The following RCBTB2 variants were observed in gnomAD, a reference collection of about 807,000 sequenced individuals.
The protein encoded by RCBTB2 is RCC1 and BTB domain-containing protein 2.
In RCBTB2, 55 loss-of-function variants were observed where a neutral mutation model predicts 65.4. The ratio of observed to expected loss-of-function variants is 0.84; its 90% CI spans 0.68 to 1.05. The LOEUF (loss-of-function observed/expected upper bound fraction) is 1.05, where lower values mean the gene tolerates loss of function less well. Among genes scored for constraint, RCBTB2 ranks in the 50% least tolerant of loss-of-function variants. RCBTB2 has a pLI of 0.00. For synonymous variants in RCBTB2, 220 were observed against 255.2 expected (o/e 0.86, Z 1.31); for missense variants, 599 against 680.1 (o/e 0.88, Z 1.33).
chr13:48,498,862 T>A (rs1950094291), intron 13 of RCBTB2, among the ~76,000 whole-genome samples: 1 of 152,080 alleles, frequency 6.6e-6, no homozygotes, highest in African/African-American at 2.4e-5. Flanking sequence ...CCAGGCCAAG[T>A]ACCTCAGTGC....
At chr13:48,511,921 C>T (rs201107003) in intron 8 of RCBTB2, 44 bp from the exon 9 acceptor site, 6 of 1,610,452 alleles carry the variant, frequency 3.7e-6, no homozygotes, top group Non-Finnish European at 5.1e-6. Flanking sequence ...AGACAAATGG[C>T]CAGCAAGCTG....
rs757366474 is a variant in RCBTB2, at chr13:48,515,687, T to A, written c.97A>T (p.Ile33Phe). The A allele has an allele frequency of 1.9e-6, 3 of 1,613,982 alleles. No individual in the cohort carries two copies. The highest frequency in any genetic ancestry group is 2.5e-6 in the Non-Finnish European group (3 of 1,180,014). ...TCTTCTTCAGAACAAAGGGAAAAAA[T>A]TGGCCACTTTCCCACATCTAACATC... The part of the protein sequence containing the change: ...LKMLDVGKWP[I>F]FSLCSEEELQ... Residue 33 changes from isoleucine to phenylalanine, a missense_variant, in exon 5 of 15, where the codon ATT becomes TTT. Ile to Phe is a conservative substitution (Grantham distance 21, BLOSUM62 0). Coordinates refer to ENST00000344532, the MANE Select transcript of RCBTB2 (RefSeq NM_001268.4).
chr13:48,534,265 G>T (rs1489215073), upstream of RCBTB2, among the ~76,000 whole-genome samples: 2 of 152,208 alleles, frequency 1.3e-5, no homozygotes, highest in Non-Finnish European at 2.9e-5. Flanking sequence ...ATCAATGAAA[G>T]AAATTTATGA....
In RCBTB2 at chr13:48,512,839, T is replaced by A; in HGVS notation, c.406A>T (p.Thr136Ser). The A allele has an allele frequency of 6.2e-7, 1 of 1,614,052 alleles. No homozygotes were observed. The highest frequency in any genetic ancestry group is 1.1e-5 in the South Asian group (1 of 91,074). ...NAYSQLGNGT[T>S]NHGLVPCHIS... ...TGACAGGGCACTAAACCATGATTAG[T>A]TGTCCCATTGCCCAGCTGGCTATAA... Residue 136 changes from threonine to serine, a missense_variant, in exon 7 of 15, where the codon ACT (threonine) becomes TCT (serine). Transcript: ENST00000344532.
At chr13:48,502,995 G>T in intron 10 of RCBTB2, 81 bp from the exon 11 acceptor site, 1 of 1,357,198 alleles carries the variant, frequency 7.4e-7, no homozygotes, top group Non-Finnish European at 9.8e-7. Context: ...AGGTTTAACT[G>T]ATGTGGGACA....
At chr13:48,495,140 C>A (rs1258284152) in intron 14 of RCBTB2, among the ~76,000 whole-genome samples, 3 of 152,096 alleles carry the variant, frequency 2.0e-5, no homozygotes, top group Non-Finnish European at 4.4e-5. Context: ...CAAAAGGAAA[C>A]TGACTCGAAG....
rs559291545 is a variant in RCBTB2, at chr13:48,512,251, G to A, written c.517-77C>T. ...CAACTGGACACTGACATGTACTTGT[G>A]GCACCGAGTCTTTCCTCTCAAAGTG... On this transcript the variant is annotated intron_variant, in intron 7 of 14. Transcript: ENST00000344532. The A allele has an allele frequency of 1.1e-3, 1,438 of 1,297,312 alleles. 1 individual carries two copies. The highest frequency in any genetic ancestry group is 1.2e-3 in the Non-Finnish European group (1,103 of 923,256). The allele number at this position is 1,297,312 out of a possible 1,614,324, so 80.4% of individuals were successfully genotyped here.
At chr13:48,496,107 ACTTT>A (rs1949955033) in intron 14 of RCBTB2, 80 bp downstream of exon 14, 2 of 1,267,268 alleles carry the variant, frequency 1.6e-6, no homozygotes, top group African/African-American at 1.5e-5. Context: ...CTCTACCCAG[ACTTT>A]CTTTTAGTTT....
intron 1 of RCBTB2, chr13:48,532,721 G>T (rs996380891): frequency 3.4e-6 from 1 of 295,516 alleles, no homozygotes; most frequent in South Asian, 2.5e-5. Context: ...ATGTAGTCGC[G>T]AGCAGCGCAC....
chr13:48,502,251 G>T (rs943569775), intron 11 of RCBTB2, among the ~76,000 whole-genome samples: 2 of 152,194 alleles, frequency 1.3e-5, no homozygotes, highest in Non-Finnish European at 2.9e-5. Context: ...CACTTTGGCA[G>T]GGGCAGAGAC....
At chr13:48,499,140 A>ACTCTCT (rs1488055194) in intron 13 of RCBTB2, among the ~76,000 whole-genome samples, 4 of 142,486 alleles carry the variant, frequency 2.8e-5, no homozygotes, top group Middle Eastern at 3.7e-3. Flanking sequence ...ACACACACAC[A>ACTCTCT]CACTCTCTCT....
At chr13:48,508,410 A>G (rs1297531186) in intron 10 of RCBTB2, among the ~76,000 whole-genome samples, 5 of 148,736 alleles carry the variant, frequency 3.4e-5, no homozygotes, top group African/African-American at 1.0e-4. Flanking sequence ...ACATTCATCC[A>G]TGTTTTTTTT....
At chr13:48,493,315 A>ACACACACACACTCTCT (rs759504798) in intron 14 of RCBTB2, among the ~76,000 whole-genome samples, 2 of 75,028 alleles carry the variant, frequency 2.7e-5, no homozygotes, top group African/African-American at 1.2e-4. Flanking sequence ...ACACACACAC[A>ACACACACACACTCTCT]CTCTCTCTCT....
chr13:48,526,328 A>C (rs1287770275), intron 1 of RCBTB2, among the ~76,000 whole-genome samples: 1 of 152,092 alleles, frequency 6.6e-6, no homozygotes, highest in Non-Finnish European at 1.5e-5. Context: ...AGGCCCCCAA[A>C]AGTTTGAGAC....
upstream of RCBTB2, among the ~76,000 whole-genome samples, chr13:48,533,702 TTTA>T (rs911574146): frequency 1.1e-4 from 17 of 152,370 alleles, no homozygotes; most frequent in African/African-American, 3.4e-4. Context: ...TTTGCAGTAA[TTTA>T]TTATATTACA....
intron 12 of RCBTB2, among the ~76,000 whole-genome samples, chr13:48,501,227 G>A (rs888080805): frequency 6.6e-6 from 1 of 152,172 alleles, no homozygotes; most frequent in African/African-American, 2.4e-5. Flanking sequence ...CTGCACATTT[G>A]AAATGCACAC....
In RCBTB2 at chr13:48,523,617, A is replaced by G. The variant is rs9331960; in HGVS notation, c.-120+1042T>C. 3.4e-3 allele frequency among the ~76,000 whole-genome samples: 515 copies of G among 152,232 alleles called. 7 individuals carry two copies. Among genetic ancestry groups the G allele is most frequent in the African/African-American group, 0.012 (499 of 41,530 alleles). On this transcript the variant is annotated intron_variant, in intron 2 of 14. Transcript: ENST00000344532. The stretch of plus-strand genomic sequence containing the variant: ...CTTTTTCCATATTTGCCCCAAGTTT[A>G]CTGGAATAAAAAATAAAAGGAGAGG...
chr13:48,499,142 A>ACTCTCT lies in RCBTB2; in HGVS notation c.1384+473_1384+478dup, dbSNP rs568053175. Among the ~76,000 whole-genome samples, 783 of 132,290 alleles carry ACTCTCT rather than the reference A, an allele frequency of 5.9e-3. 12 individuals carry two copies. Among genetic ancestry groups the ACTCTCT allele is most frequent in the African/African-American group, 0.019 (654 of 34,178 alleles). The allele number at this position is 132,290 out of a possible 152,430, so 86.8% of individuals were successfully genotyped here. A position where few individuals can be genotyped will look rare whatever the true frequency, so the allele number is the denominator to read the frequency against. ...CACACACACACACACACACACACAC[A>ACTCTCT]CTCTCTCTCTCTCTCTCTCTCTCTC... On this transcript the variant is annotated intron_variant, in intron 13 of 14. Coordinates refer to ENST00000344532, the MANE Select transcript of RCBTB2 (RefSeq NM_001268.4).
intron 14 of RCBTB2, among the ~76,000 whole-genome samples, chr13:48,493,242 C>CAT (rs1214859980): frequency 6.9e-6 from 1 of 145,126 alleles, no homozygotes; most frequent in Non-Finnish European, 1.5e-5. Flanking sequence ...CACACACACA[C>CAT]ACACACACAC....
Sources: gnomAD v4.1 joint callset for allele counts (sites outside exome capture counted in the v4.1 genomes callset) on GRCh38, gnomAD v4.1.1 for gene constraint, MANE v1.5 for transcripts, NCBI Gene and HGNC (gene_info 2026-07-23, HGNC 2026-07-21) for gene names.